The following B3GALNT2 variants were observed in gnomAD, a reference collection of about 807,000 sequenced individuals.
B3GALNT2 encodes the protein UDP-GalNAc:beta-1,3-N-acetylgalactosaminyltransferase 2.
Under a neutral mutation model 61.1 loss-of-function variants are expected in B3GALNT2, and 53 were observed. The observed-to-expected ratio is 0.87, with a 90% confidence interval of 0.70 to 1.09. The LOEUF is 1.09. B3GALNT2 is among the 50% of genes least tolerant of loss of function. B3GALNT2 has a pLI of 0.00. For missense variants in B3GALNT2, 544 were observed against 623.0 expected, an observed-to-expected ratio of 0.87 and a Z score of 1.35; for synonymous variants, 223 against 237.4, an observed-to-expected ratio of 0.94 and a Z score of 0.56.
intron 5 of B3GALNT2, among the ~76,000 whole-genome samples, chr1:235,475,634 A>G (rs1250131413): frequency 1.3e-5 from 2 of 152,244 alleles, no homozygotes; most frequent in Admixed American, 1.3e-4. Context: ...AAAATTAAAC[A>G]TATTTTCAAC....
chr1:235,462,058 G>T (rs1356311200), intron 7 of B3GALNT2, among the ~76,000 whole-genome samples: 4 of 152,138 alleles, frequency 2.6e-5, no homozygotes, highest in Admixed American at 6.6e-5. Flanking sequence ...ATAACATTCG[G>T]CAGGCTAAGT....
Position 235,492,855 on chromosome 1 carries a change from C to T in B3GALNT2, c.260+1826G>A, listed in dbSNP as rs182595602. Among the ~76,000 whole-genome samples, 218 of 152,168 alleles carry T rather than the reference C, an allele frequency of 1.4e-3. 1 individual carries two copies. Among genetic ancestry groups the T allele is most frequent in the Admixed American group, 4.5e-3 (68 of 15,276 alleles). On this transcript the variant is annotated intron_variant, in intron 2 of 11. Coordinates refer to ENST00000366600, the MANE Select transcript of B3GALNT2 (RefSeq NM_152490.5). ...AGAGGACGTAGGAAATGCAAAGGCC[C>T]TGAGGTAGGGGCACTTTTAGTGTAT...
chr1:235,490,113 C>T (rs1684993910), intron 2 of B3GALNT2, among the ~76,000 whole-genome samples: 1 of 152,160 alleles, frequency 6.6e-6, no homozygotes, highest in Non-Finnish European at 1.5e-5. Context: ...TAGTCTAGGG[C>T]TCTGCCTTTG....
intron 4 of B3GALNT2, 75 bp downstream of exon 4, chr1:235,484,247 A>C (rs907463607): frequency 1.6e-4 from 244 of 1,504,666 alleles, no homozygotes; most frequent in Non-Finnish European, 2.0e-4. Flanking sequence ...CAATCTACTT[A>C]CTGTATGTCA....
chr1:235,487,274 G>A (rs1684851672), intron 3 of B3GALNT2, among the ~76,000 whole-genome samples: 1 of 152,006 alleles, frequency 6.6e-6, no homozygotes, highest in Admixed American at 6.5e-5. Context: ...GACATCCTAA[G>A]TAAGAAACCT....
downstream of B3GALNT2, among the ~76,000 whole-genome samples, chr1:235,442,648 G>A (rs1681972771): frequency 6.6e-6 from 1 of 152,128 alleles, no homozygotes; most frequent in Non-Finnish European, 1.5e-5. Flanking sequence ...GTACTAAGTG[G>A]GGAAAAGGGA....
At position 235,458,799 on chromosome 1, in the gene B3GALNT2, A is replaced by C. The variant is rs754737013; in HGVS notation, c.842-13T>G. 1.9e-6 allele frequency: 3 copies of C among 1,561,742 alleles called. No homozygotes were observed. In the South Asian group the frequency reaches 3.7e-5, roughly 19 times the overall value. On this transcript the variant is annotated splice_polypyrimidine_tract_variant and intron_variant, in intron 7 of 11. Transcript: ENST00000366600. ...AGAGCATCACCTTCTATAAAGGAAA[A>C]GTTGAGAGTTGGAGAAAAATGCTGT...
chr1:235,455,812 G>A, intron 8 of B3GALNT2, 128 bp from the exon 9 acceptor site: 9 of 1,188,318 alleles, frequency 7.6e-6, no homozygotes, highest in Non-Finnish European at 1.0e-5. Flanking sequence ...CTCAAATGTT[G>A]AGAACATTTG....
chr1:235,467,322 C>G (rs1308943945), intron 6 of B3GALNT2, among the ~76,000 whole-genome samples: 1 of 151,898 alleles, frequency 6.6e-6, no homozygotes, highest in Non-Finnish European at 1.5e-5. Context: ...GTACTCCAGC[C>G]TGGGTGACAG....
At chr1:235,456,689 C>G (rs962202683) in intron 8 of B3GALNT2, among the ~76,000 whole-genome samples, 9 of 152,146 alleles carry the variant, frequency 5.9e-5, no homozygotes, top group Non-Finnish European at 1.2e-4. Context: ...CTGCAGCGAT[C>G]CAGGGAGAGA....
chr1:235,448,381 C>T lies in B3GALNT2; in HGVS notation c.*1825G>A. The T allele has an allele frequency of 6.2e-7, 1 of 1,614,128 alleles. No individual in the cohort carries two copies. On this transcript the variant is annotated 3_prime_UTR_variant, in exon 12 of 12. Transcript: ENST00000366600. Reference sequence around the variant, plus strand: ...GACAATTCAAAAGGTGAAGGGATTGCTGTCACGTCTTCTCAAAGTTCCTGT... The same window carrying T: ...GACAATTCAAAAGGTGAAGGGATTGTTGTCACGTCTTCTCAAAGTTCCTGT...
intron 1 of B3GALNT2, 31 bp from the exon 2 acceptor site, chr1:235,494,859 G>T: frequency 6.5e-7 from 1 of 1,541,604 alleles, no homozygotes. Flanking sequence ...TGAGAAATAA[G>T]TCATGTATCA....
At chr1:235,478,113 G>A (rs1349664111) in intron 5 of B3GALNT2, among the ~76,000 whole-genome samples, 8 of 152,112 alleles carry the variant, frequency 5.3e-5, no homozygotes, top group African/African-American at 1.7e-4. Flanking sequence ...GGAGTGCAGT[G>A]TTGCAATCTT....
rs1283932162 is a variant in B3GALNT2, at chr1:235,504,290, C to T, written c.-38G>A. 2 of 1,480,946 alleles carry T rather than the reference C, an allele frequency of 1.4e-6. No homozygotes were observed. The highest frequency in any genetic ancestry group is 1.8e-6 in the Non-Finnish European group (2 of 1,120,944). The allele number at this position is 1,480,946 out of a possible 1,614,324, so 91.7% of individuals were successfully genotyped here. ...CCGCGAGCCGGGCTCTCCCGCGTCC[C>T]GGCGGAGAGGGAGGGGACCTGCAAG... On this transcript the variant is annotated 5_prime_UTR_variant, in exon 1 of 12. Transcript: ENST00000366600.
At chr1:235,498,015 G>A (rs1685407406) in intron 1 of B3GALNT2, among the ~76,000 whole-genome samples, 2 of 152,040 alleles carry the variant, frequency 1.3e-5, no homozygotes, top group South Asian at 4.2e-4. Context: ...TCTTGCAGAG[G>A]GAAAGTAACA....
intron 2 of B3GALNT2, among the ~76,000 whole-genome samples, chr1:235,492,291 C>T (rs900912587): frequency 6.6e-6 from 1 of 152,058 alleles, no homozygotes; most frequent in Non-Finnish European, 1.5e-5. Context: ...CAAGTATGTA[C>T]CAAATTTGGT....
At chr1:235,475,212 T>G (rs1196292065) in intron 5 of B3GALNT2, among the ~76,000 whole-genome samples, 1 of 151,592 alleles carries the variant, frequency 6.6e-6, no homozygotes, top group Non-Finnish European at 1.5e-5. Context: ...TTAGCCAGGA[T>G]GGTCTGGATT....
At chr1:235,461,852 C>T (rs1352426545) in intron 7 of B3GALNT2, among the ~76,000 whole-genome samples, 2 of 152,166 alleles carry the variant, frequency 1.3e-5, no homozygotes, top group East Asian at 1.9e-4. Flanking sequence ...TTGGACTTTA[C>T]GATAATGTAA....
chr1:235,484,023 T>A (rs548776057), intron 4 of B3GALNT2, among the ~76,000 whole-genome samples: 2 of 152,198 alleles, frequency 1.3e-5, no homozygotes, highest in African/African-American at 4.8e-5. Flanking sequence ...CCTAAACTTT[T>A]TTTATATCCA....
Sources: gnomAD v4.1 joint callset for allele counts (sites outside exome capture counted in the v4.1 genomes callset) on GRCh38, gnomAD v4.1.1 for gene constraint, MANE v1.5 for transcripts, NCBI Gene and HGNC (gene_info 2026-07-23, HGNC 2026-07-21) for gene names.